The following UBAP2 variants were observed in gnomAD, a reference collection of about 807,000 sequenced individuals.
UBAP2 encodes the protein ubiquitin-associated protein 2.
A neutral mutation model predicts 139.6 loss-of-function variants in UBAP2; 75 were observed. The observed-to-expected ratio is 0.54, with a 90% CI of 0.45 to 0.65. The LOEUF is 0.65. Among genes scored for constraint, UBAP2 ranks in the 30% least tolerant of loss-of-function variants. UBAP2 has a pLI of 0.00. For missense variants in UBAP2, 1,368 were observed against 1,369.6 expected (o/e 1.00, Z 0.02); for synonymous variants, 526 against 526.2 (o/e 1.00, Z 0.01).
chr9:33,990,098 T>C (rs1238751825), intron 4 of UBAP2, among the ~76,000 whole-genome samples: 1 of 151,996 alleles, frequency 6.6e-6, no homozygotes, highest in Non-Finnish European at 1.5e-5. Flanking sequence ...AAAAAGATAC[T>C]ACATTCTTGA....
At chr9:33,999,482 G>C (rs1822500480) in intron 2 of UBAP2, among the ~76,000 whole-genome samples, 1 of 152,182 alleles carries the variant, frequency 6.6e-6, no homozygotes, top group African/African-American at 2.4e-5. Context: ...AAAAAGGTAT[G>C]CTGGTCAGTT....
At chr9:33,972,460 T>C (rs1464321830) in intron 7 of UBAP2, among the ~76,000 whole-genome samples, 2 of 152,196 alleles carry the variant, frequency 1.3e-5, no homozygotes, top group Non-Finnish European at 2.9e-5. Context: ...AGAAGGCAGA[T>C]TGCATGAGGC....
intron 1 of UBAP2, among the ~76,000 whole-genome samples, chr9:34,025,728 A>G (rs890725255): frequency 3.3e-5 from 5 of 152,182 alleles, no homozygotes; most frequent in African/African-American, 9.7e-5. Context: ...AACTGCCTAA[A>G]AAGTTTTGTT....
In UBAP2 at chr9:33,943,787, C is replaced by T. The variant is rs1042126773; in HGVS notation, c.1546-198G>A. On this transcript the variant is annotated intron_variant, in intron 14 of 28. Transcript: ENST00000379238. ...CAAGCTAAGAAAAATTAAAAGTTGG[C>T]TGGGCATGGTGGCTCATGCCTGTAA... 1.2e-4 allele frequency among the ~76,000 whole-genome samples: 19 copies of T among 152,184 alleles called. No individual in the cohort carries two copies. The South Asian group carries it at 1.9e-3, about 15-fold the overall frequency.
chr9:34,036,136 C>A (rs138975086), intron 1 of UBAP2, among the ~76,000 whole-genome samples: 13 of 147,202 alleles, frequency 8.8e-5, no homozygotes, highest in African/African-American at 3.3e-4. Flanking sequence ...TTTTTTGAGA[C>A]GGAGTTTCAC....
chr9:33,963,772 GTGAGTA>G lies in UBAP2; in HGVS notation c.693_698del (p.Thr232_His233del). Reference sequence around the variant, plus strand: ...TGTTTGACAGATCCTGAGCTATGTTGTGAGTATTTGATGCCAGTTCTGTGGACCAAT... The same window carrying G: ...TGTTTGACAGATCCTGAGCTATGTTGTTTGATGCCAGTTCTGTGGACCAAT... On this transcript the variant is annotated inframe_deletion, in exon 9 of 29. Coordinates refer to ENST00000379238, the MANE Select transcript of UBAP2 (RefSeq NM_001370062.2). 1 of 1,612,456 alleles carries G rather than the reference GTGAGTA, an allele frequency of 6.2e-7. No individual in the cohort carries two copies.
intron 4 of UBAP2, among the ~76,000 whole-genome samples, chr9:33,990,848 G>T (rs2131154709): frequency 6.6e-6 from 1 of 151,940 alleles, no homozygotes; most frequent in South Asian, 2.1e-4. Flanking sequence ...TGTTGGCCAG[G>T]GTGCTCTCGA....
In UBAP2 at chr9:33,923,610, A is replaced by G. The variant is rs951842492; in HGVS notation, c.2797-132T>C. On this transcript the variant is annotated intron_variant, in intron 24 of 28. Transcript: ENST00000379238. The stretch of plus-strand genomic sequence containing the variant: ...GGGGACCTGTGTTTTCATTAGTGCA[A>G]CACATGCTGGATCTAAACACAGCAG... 21 of 1,063,506 alleles carry G rather than the reference A, an allele frequency of 2.0e-5. No individual in the cohort carries two copies. The South Asian group carries it at 2.6e-4, about 13-fold the overall frequency. The allele number at this position is 1,063,506 out of a possible 1,614,324, so 65.9% of individuals were successfully genotyped here. A position where few individuals can be genotyped will look rare whatever the true frequency, so the allele number is the denominator to read the frequency against.
intron 7 of UBAP2, 123 bp downstream of exon 7, chr9:33,973,060 C>T (rs1828028413): frequency 5.9e-6 from 5 of 845,096 alleles, no homozygotes; most frequent in Non-Finnish European, 9.6e-6. Flanking sequence ...TTGTAAATCT[C>T]TTTAAGTATA....
At chr9:34,023,569 G>T (rs1222904089) in intron 1 of UBAP2, among the ~76,000 whole-genome samples, 5 of 152,126 alleles carry the variant, frequency 3.3e-5, no homozygotes, top group African/African-American at 7.2e-5. Flanking sequence ...ATTCCACAAT[G>T]AATACGTAAT....
Position 33,964,713 on chromosome 9 carries a change from T to TA in UBAP2, c.680-923dup, listed in dbSNP as rs201230777. On this transcript the variant is annotated intron_variant, in intron 8 of 28. Transcript: ENST00000379238. Reference sequence around the variant, plus strand: ...ACAACAAATTGAGACCCCCATCTCTTAAAAAAAAAAGAAGCAAGAAAAAAA... The same window carrying TA: ...ACAACAAATTGAGACCCCCATCTCTTAAAAAAAAAAAGAAGCAAGAAAAAAA... 6.8e-3 allele frequency among the ~76,000 whole-genome samples: 994 copies of TA among 146,394 alleles called. 3 individuals carry two copies. Among genetic ancestry groups the TA allele is most frequent in the Non-Finnish European group, 0.01 (680 of 66,214 alleles).
intron 1 of UBAP2, among the ~76,000 whole-genome samples, chr9:34,023,903 G>C (rs1825174844): frequency 2.0e-5 from 3 of 152,120 alleles, no homozygotes; most frequent in Admixed American, 6.5e-5. Context: ...AATTAGCCGG[G>C]CATGGTGGCA....
At chr9:34,016,574 AG>A (rs34155262) in intron 2 of UBAP2, among the ~76,000 whole-genome samples, 1 of 147,278 alleles carries the variant, frequency 6.8e-6, no homozygotes, top group East Asian at 2.0e-4. Context: ...TTTTTTTTTT[AG>A]GAAGGAGTCT....
chr9:34,030,303 G>T (rs972898946), intron 1 of UBAP2, among the ~76,000 whole-genome samples: 1 of 151,832 alleles, frequency 6.6e-6, no homozygotes, highest in Non-Finnish European at 1.5e-5. Flanking sequence ...AACAAAATTA[G>T]CCAGGCGTGG....
chr9:33,964,271 G>A (rs1027243791), intron 8 of UBAP2, among the ~76,000 whole-genome samples: 3 of 152,058 alleles, frequency 2.0e-5, no homozygotes, highest in African/African-American at 7.2e-5. Context: ...ACCATTCTGT[G>A]AGGCCTCTGG....
chr9:33,968,379 T>C (rs2131040008), intron 8 of UBAP2: 1 of 570,952 alleles, frequency 1.8e-6, no homozygotes, highest in South Asian at 1.4e-5. Context: ...TCATAAATTA[T>C]TCCTCTGGTG....
At chr9:33,985,747 C>T (rs1821152743) in intron 6 of UBAP2, among the ~76,000 whole-genome samples, 2 of 151,970 alleles carry the variant, frequency 1.3e-5, no homozygotes, top group South Asian at 2.1e-4. Flanking sequence ...CTAGGCCGGG[C>T]TCGGTGGCTC....
intron 1 of UBAP2, among the ~76,000 whole-genome samples, chr9:34,018,932 G>GCCAA (rs974972572): frequency 6.6e-6 from 1 of 151,722 alleles, no homozygotes; most frequent in African/African-American, 2.4e-5. Flanking sequence ...ATTCATAATA[G>GCCAA]CCAAAAAGTG....
chr9:34,031,294 G>A (rs1445683019), intron 1 of UBAP2, among the ~76,000 whole-genome samples: 2 of 147,760 alleles, frequency 1.4e-5, no homozygotes, highest in Non-Finnish European at 1.5e-5. Flanking sequence ...AAAAAAAAAA[G>A]GCCAGCTTGG....
Sources: gnomAD v4.1 joint callset for allele counts (sites outside exome capture counted in the v4.1 genomes callset) on GRCh38, gnomAD v4.1.1 for gene constraint, MANE v1.5 for transcripts, NCBI Gene and HGNC (gene_info 2026-07-23, HGNC 2026-07-21) for gene names.